Variants in NAALADL2 observed in about 807,000 individuals in gnomAD.
The protein encoded by NAALADL2 is N-acetylated alpha-linked acidic dipeptidase like 2, also known as inactive N-acetylated-alpha-linked acidic dipeptidase-like protein 2.
Under a neutral mutation model 87.2 loss-of-function variants are expected in NAALADL2, and 76 were observed. The observed-to-expected ratio is 0.87, with a 90% CI of 0.72 to 1.05. NAALADL2 has a LOEUF of 1.05. Among genes scored for constraint, NAALADL2 ranks in the 50% least tolerant of loss-of-function variants. The pLI is 0.00. For missense variants in NAALADL2, 1,089 were observed against 945.8 expected (o/e 1.15, Z -1.99); for synonymous variants, 354 against 331.0 (o/e 1.07, Z -0.75).
At chr3:175,611,426 A>C (rs528107311) in intron 10 of NAALADL2, among the ~76,000 whole-genome samples, 2 of 152,076 alleles carry the variant, frequency 1.3e-5, no homozygotes, top group African/African-American at 2.4e-5. Context: ...ATCGCCCTTC[A>C]ATTGATTCAT....
chr3:175,192,796 G>A (rs1335372469), intron 2 of NAALADL2, among the ~76,000 whole-genome samples: 1 of 151,824 alleles, frequency 6.6e-6, no homozygotes, highest in Admixed American at 6.6e-5. Flanking sequence ...TTGAAATAAT[G>A]CTTTTATGAA....
chr3:175,746,806 A>G (rs1315607181), intron 12 of NAALADL2, among the ~76,000 whole-genome samples: 3 of 152,196 alleles, frequency 2.0e-5, no homozygotes, highest in Non-Finnish European at 4.4e-5. Context: ...CTAAAAATAC[A>G]TTTAGTCTCA....
At chr3:175,731,117 A>AT (rs1024068347) in intron 11 of NAALADL2, among the ~76,000 whole-genome samples, 2 of 152,138 alleles carry the variant, frequency 1.3e-5, no homozygotes, top group East Asian at 1.9e-4. Flanking sequence ...CAACTGAGAG[A>AT]TTTTTTTCTA....
chr3:174,802,685 A>T (rs981888934), intron 3 of NAALADL2, among the ~76,000 whole-genome samples: 1 of 152,094 alleles, frequency 6.6e-6, no homozygotes, highest in East Asian at 1.9e-4. Flanking sequence ...CCCTGTGTCT[A>T]TGTGTTCCTG....
At chr3:174,985,160 G>T (rs1374602800) in intron 1 of NAALADL2, among the ~76,000 whole-genome samples, 1 of 152,122 alleles carries the variant, frequency 6.6e-6, no homozygotes, top group Non-Finnish European at 1.5e-5. Context: ...AACATTGTTT[G>T]ATATTCATAC....
intron 9 of NAALADL2, among the ~76,000 whole-genome samples, chr3:175,548,885 A>G (rs1461511432): frequency 6.6e-6 from 1 of 152,020 alleles, no homozygotes; most frequent in Non-Finnish European, 1.5e-5. Flanking sequence ...TGGGTGATTC[A>G]TAGATAGTAG....
rs59833697 is a variant in NAALADL2 at position 174,456,411 on chromosome 3, C to CAAA, written c.-184+15401_-184+15403dup. ...AATCAACAGCCAAGGCAATCCTAAGCAAAAAAAAAAAAAAAAAAAAAAAAT... is the reference window on the plus strand; with the variant it reads ...AATCAACAGCCAAGGCAATCCTAAGCAAAAAAAAAAAAAAAAAAAAAAAAAAAT... On this transcript the variant is annotated intron_variant, in intron 1 of 3. Coordinates refer to the NAALADL2 transcript ENST00000434257. Among the ~76,000 whole-genome samples, 264 of 56,374 alleles carry CAAA rather than the reference C, an allele frequency of 4.7e-3. 22 individuals carry two copies. Among genetic ancestry groups the CAAA allele is most frequent in the East Asian group, 0.013 (24 of 1,792 alleles). 37.0% of individuals were successfully genotyped at this position (56,374 alleles called of 152,430 possible).
chr3:175,050,048 G>A (rs1755171935), intron 1 of NAALADL2, among the ~76,000 whole-genome samples: 1 of 152,046 alleles, frequency 6.6e-6, no homozygotes, highest in Non-Finnish European at 1.5e-5. Flanking sequence ...CCAAAGATGT[G>A]CACGTTAGGA....
intron 1 of NAALADL2, among the ~76,000 whole-genome samples, chr3:174,441,300 C>T (rs1714594525): frequency 6.6e-6 from 1 of 152,148 alleles, no homozygotes; most frequent in Non-Finnish European, 1.5e-5. Flanking sequence ...GTCCGCGAGG[C>T]GCGCTGGCCA....
At chr3:175,742,982 G>A (rs573387299) in intron 12 of NAALADL2, among the ~76,000 whole-genome samples, 1 of 151,546 alleles carries the variant, frequency 6.6e-6, no homozygotes, top group African/African-American at 2.4e-5. Context: ...TCAGAGGAAG[G>A]TCAGACAATT....
At chr3:175,130,521 G>A (rs76344758) in intron 2 of NAALADL2, among the ~76,000 whole-genome samples, 3,111 of 152,234 alleles carry the variant, frequency 0.02, 52 homozygotes, top group Admixed American at 0.031. Context: ...ACTTTGGTAC[G>A]TGGTGTAAGA....
intron 2 of NAALADL2, among the ~76,000 whole-genome samples, chr3:174,689,014 A>G (rs1578553868): frequency 1.3e-5 from 2 of 152,032 alleles, no homozygotes; most frequent in East Asian, 3.9e-4. Context: ...AAAAAAAAAA[A>G]TTATGTAATA....
At position 175,655,700 on chromosome 3, in the gene NAALADL2, A is replaced by T. The variant is rs1388705038; in HGVS notation, c.1896+28314A>T. The T allele has an allele frequency of 9.6e-5, 7 of 73,136 alleles. 1 individual carries two copies. Among genetic ancestry groups the T allele is most frequent in the Admixed American group, 5.8e-4 (5 of 8,548 alleles). The allele number at this position is 73,136 out of a possible 1,614,324, so 4.5% of individuals were successfully genotyped here. Reference sequence around the variant, plus strand: ...TGCACTTGTACTTAAAAAAATAAATAAAATAAAATAAAATAAAATAAAATA... The same window carrying T: ...TGCACTTGTACTTAAAAAAATAAATTAAATAAAATAAAATAAAATAAAATA... On this transcript the variant is annotated intron_variant, in intron 11 of 13. Transcript: ENST00000454872.
chr3:175,685,449 GGT>G (rs59449046), intron 11 of NAALADL2, among the ~76,000 whole-genome samples: 9,238 of 144,478 alleles, frequency 0.064, 320 homozygotes, highest in Non-Finnish European at 0.084. Flanking sequence ...ACCAACAGGA[GGT>G]GTGTGTGTGT....
chr3:174,938,268 CAT>C (rs777403872), intron 1 of NAALADL2, among the ~76,000 whole-genome samples: 5 of 151,980 alleles, frequency 3.3e-5, no homozygotes, highest in Non-Finnish European at 7.4e-5. Flanking sequence ...TAAGTGAAAA[CAT>C]GTGTTACTTG....
chr3:175,628,865 T>C (rs931504948), intron 11 of NAALADL2, among the ~76,000 whole-genome samples: 26 of 150,284 alleles, frequency 1.7e-4, no homozygotes, highest in Non-Finnish European at 2.8e-4. Flanking sequence ...GAATTAATTT[T>C]TTCCAAACCT....
At chr3:175,367,136 T>A (rs986812779) in intron 5 of NAALADL2, among the ~76,000 whole-genome samples, 25 of 145,868 alleles carry the variant, frequency 1.7e-4, no homozygotes, top group Non-Finnish European at 3.1e-4. Context: ...CCATTGCTTG[T>A]TTTTCTCAGG....
At chr3:175,011,881 T>C (rs1268193115) in intron 1 of NAALADL2, among the ~76,000 whole-genome samples, 1 of 152,162 alleles carries the variant, frequency 6.6e-6, no homozygotes, top group East Asian at 1.9e-4. Flanking sequence ...GTTAATTTAA[T>C]AAAATTAAGT....
chr3:174,925,431 T>A (rs567918506), intron 1 of NAALADL2, among the ~76,000 whole-genome samples: 3 of 152,324 alleles, frequency 2.0e-5, no homozygotes, highest in Admixed American at 6.5e-5. Flanking sequence ...CTGGTCTATA[T>A]CTCTGTTTTG....
Sources: allele counts gnomAD v4.1 joint callset (sites outside exome capture counted in the v4.1 genomes callset), GRCh38; gene constraint gnomAD v4.1.1; transcripts MANE v1.5; gene names NCBI Gene and HGNC (gene_info 2026-07-23, HGNC 2026-07-21).